Variants in MSR1 observed in about 807,000 individuals in gnomAD.
MSR1 encodes macrophage scavenger receptor 1, also known as macrophage scavenger receptor types I and II.
MSR1 carries 53 observed loss-of-function variants against 47.2 expected under a neutral mutation model. That is an observed-to-expected ratio of 1.12 (90% CI 0.90 to 1.41). MSR1 has a LOEUF of 1.41. MSR1 is among the 40% of genes most tolerant of loss of function. MSR1 has a pLI of 0.00. For synonymous variants in MSR1, 239 were observed against 185.6 expected, an observed-to-expected ratio of 1.29 and a Z score of -2.34; for missense variants, 786 against 546.9, an observed-to-expected ratio of 1.44 and a Z score of -4.36.
At chr8:16,185,959 G>C (rs373356207) in intron 1 of MSR1, among the ~76,000 whole-genome samples, 115 of 152,012 alleles carry the variant, frequency 7.6e-4, no homozygotes, top group African/African-American at 2.5e-3. Flanking sequence ...GACGCTGCAA[G>C]AGAAAAACAA....
chr8:16,122,274 A>G (rs1800022437), intron 8 of MSR1, among the ~76,000 whole-genome samples: 1 of 152,146 alleles, frequency 6.6e-6, no homozygotes, highest in East Asian at 1.9e-4. Context: ...ATTTCCTGTA[A>G]TTGCCTAAAG....
At chr8:16,186,338 C>T in intron 1 of MSR1, 1 of 712,604 alleles carries the variant, frequency 1.4e-6, no homozygotes, top group Non-Finnish European at 2.3e-6. Flanking sequence ...TCTCACTAGC[C>T]TCATTGCTTT....
intron 8 of MSR1, among the ~76,000 whole-genome samples, chr8:16,141,601 T>C (rs1009113028): frequency 4.6e-5 from 7 of 152,162 alleles, no homozygotes; most frequent in African/African-American, 1.7e-4. Flanking sequence ...ATGCAGTTGT[T>C]ATATACTCTG....
intron 5 of MSR1, among the ~76,000 whole-genome samples, chr8:16,155,666 G>A (rs953808689): frequency 1.3e-5 from 2 of 151,908 alleles, no homozygotes; most frequent in African/African-American, 2.4e-5. Flanking sequence ...GTAGATCGGC[G>A]TGAATGGTGA....
At chr8:16,159,764 G>GCACA (rs1801111941) in intron 5 of MSR1, among the ~76,000 whole-genome samples, 1 of 151,838 alleles carries the variant, frequency 6.6e-6, no homozygotes, top group Non-Finnish European at 1.5e-5. Context: ...ATTCTCTTGT[G>GCACA]AGAGAATACT....
At chr8:16,149,873 G>A (rs1800799298) in intron 7 of MSR1, among the ~76,000 whole-genome samples, 1 of 151,324 alleles carries the variant, frequency 6.6e-6, no homozygotes, top group East Asian at 1.9e-4. Context: ...GTTCAAAGAC[G>A]GATATCATTG....
chr8:16,134,374 T>C (rs1053066441), intron 8 of MSR1, among the ~76,000 whole-genome samples: 2 of 152,150 alleles, frequency 1.3e-5, no homozygotes, highest in African/African-American at 4.8e-5. Flanking sequence ...TTCCATGATT[T>C]TTTGAAGACC....
chr8:16,158,766 A>C (rs1430277847), intron 5 of MSR1, among the ~76,000 whole-genome samples: 1 of 151,842 alleles, frequency 6.6e-6, no homozygotes, highest in East Asian at 1.9e-4. Flanking sequence ...AGTTGGGTTA[A>C]ATCAGAACTA....
At chr8:16,172,657 T>C (rs1563165355) in intron 3 of MSR1, among the ~76,000 whole-genome samples, 1 of 152,118 alleles carries the variant, frequency 6.6e-6, no homozygotes, top group Non-Finnish European at 1.5e-5. Flanking sequence ...AAAGAATTTT[T>C]AGTATTTCAG....
At chr8:16,160,451 C>A (rs1303268275) in intron 5 of MSR1, among the ~76,000 whole-genome samples, 1 of 151,992 alleles carries the variant, frequency 6.6e-6, no homozygotes, top group Non-Finnish European at 1.5e-5. Context: ...TTTCCAGGCA[C>A]TCTAACAGGC....
intron 8 of MSR1, chr8:16,140,210 A>C (rs1286441725): frequency 1.0e-6 from 1 of 984,878 alleles, no homozygotes. Flanking sequence ...AATAAATTAA[A>C]TTGTGTTCTA....
At position 16,109,780 on chromosome 8, in the gene MSR1, G is replaced by A. The variant is rs540763515; in HGVS notation, c.*305C>T. ...TATTATGAATTGGAGCCAATTACTGGTATGCATTTCTATTACCCTTGGCCT... is the reference window on the plus strand; with the variant it reads ...TATTATGAATTGGAGCCAATTACTGATATGCATTTCTATTACCCTTGGCCT... On this transcript the variant is annotated 3_prime_UTR_variant, in exon 10 of 10. Transcript: ENST00000262101. 1 of 339,088 alleles carries A rather than the reference G, an allele frequency of 2.9e-6. No homozygotes were observed. The highest frequency in any genetic ancestry group is 2.1e-5 in the African/African-American group (1 of 47,672). The allele number at this position is 339,088 out of a possible 1,614,324, so 21.0% of individuals were successfully genotyped here. A position where few individuals can be genotyped will look rare whatever the true frequency, so the allele number is the denominator to read the frequency against.
At chr8:16,192,194 A>G (rs1215191834) in intron 1 of MSR1, among the ~76,000 whole-genome samples, 1 of 152,198 alleles carries the variant, frequency 6.6e-6, no homozygotes, top group Non-Finnish European at 1.5e-5. Context: ...GCATTAGATT[A>G]AAGCCAAAAA....
intron 8 of MSR1, chr8:16,140,197 C>T (rs2117105699): frequency 2.0e-6 from 2 of 985,016 alleles, no homozygotes; most frequent in Non-Finnish European, 1.2e-6. Context: ...TCTCCTAGAA[C>T]CCAATAAATT....
intron 8 of MSR1, among the ~76,000 whole-genome samples, chr8:16,130,326 T>C (rs1163193369): frequency 6.6e-6 from 1 of 152,172 alleles, no homozygotes; most frequent in Admixed American, 6.5e-5. Context: ...TCCAATAGCA[T>C]GTGCTCGCTT....
At chr8:16,150,171 T>TAA (rs3036812) in intron 7 of MSR1, 60 bp downstream of exon 7, 1 of 295,034 alleles carries the variant, frequency 3.4e-6, no homozygotes, top group Non-Finnish European at 6.1e-6. Flanking sequence ...TATATATATA[T>TAA]AAAATTATCT....
At chr8:16,120,795 A>G (rs1799986447) in intron 8 of MSR1, 189 bp from the exon 9 acceptor site, 1 of 738,878 alleles carries the variant, frequency 1.4e-6, no homozygotes, top group Non-Finnish European at 2.1e-6. Context: ...AACTGCAAAT[A>G]TTGCAGCTTT....
chr8:16,126,383 A>G (rs561905680), intron 8 of MSR1, among the ~76,000 whole-genome samples: 13 of 152,250 alleles, frequency 8.5e-5, no homozygotes, highest in Admixed American at 5.2e-4. Flanking sequence ...TCCTTTTTGT[A>G]TCATTTATTG....
At chr8:16,182,836 C>T (rs879703762) in intron 1 of MSR1, among the ~76,000 whole-genome samples, 1 of 151,966 alleles carries the variant, frequency 6.6e-6, no homozygotes, top group African/African-American at 2.4e-5. Flanking sequence ...GAGTACACAC[C>T]AAAATAATGA....
Sources: gnomAD v4.1 joint callset for allele counts (sites outside exome capture counted in the v4.1 genomes callset) on GRCh38, gnomAD v4.1.1 for gene constraint, MANE v1.5 for transcripts, NCBI Gene and HGNC (gene_info 2026-07-23, HGNC 2026-07-21) for gene names.